The following PUM1 variants were observed in gnomAD, a reference collection of about 807,000 sequenced individuals.
PUM1 encodes the protein pumilio RNA binding family member 1.
Under a neutral mutation model 131.8 loss-of-function variants are expected in PUM1, and 13 were observed. That is an observed-to-expected ratio of 0.10 (90% confidence interval 0.06 to 0.16). The LOEUF (loss-of-function observed/expected upper bound fraction) is 0.16. PUM1 is among the 10% of genes least tolerant of loss of function. The probability of loss-of-function intolerance (pLI) is 1.00; values close to 1 mark genes in which losing one functional copy is unlikely to be tolerated. For missense variants in PUM1, 961 were observed against 1,512.4 expected (o/e 0.64, Z 6.05); for synonymous variants, 509 against 556.5 (o/e 0.91, Z 1.20).
At chr1:30,965,514 G>C (rs1557558287) in intron 13 of PUM1, among the ~76,000 whole-genome samples, 1 of 151,884 alleles carries the variant, frequency 6.6e-6, no homozygotes. Flanking sequence ...AAAATATCTT[G>C]GTCTAATATC....
At chr1:31,028,421 G>A (rs1017051318) in intron 3 of PUM1, among the ~76,000 whole-genome samples, 1 of 19,594 alleles carries the variant, frequency 5.1e-5, no homozygotes, top group African/African-American at 4.6e-4. Flanking sequence ...GCCATTGGCG[G>A]GGGGGGTGGG....
At chr1:30,967,828 T>C (rs1440085522) in intron 11 of PUM1, among the ~76,000 whole-genome samples, 1 of 152,176 alleles carries the variant, frequency 6.6e-6, no homozygotes, top group Non-Finnish European at 1.5e-5. Context: ...TCTAATCCCA[T>C]GCAAAGCACC....
intron 3 of PUM1, among the ~76,000 whole-genome samples, chr1:31,018,204 C>T (rs943280751): frequency 6.6e-6 from 1 of 151,778 alleles, no homozygotes; most frequent in African/African-American, 2.4e-5. Context: ...CAAAAATTAG[C>T]TGGGTGTAGT....
Position 30,945,358 on chromosome 1 carries a change from C to A in PUM1, c.2982G>T (p.Ala994=). The A allele has an allele frequency of 6.2e-7, 1 of 1,614,146 alleles. No individual in the cohort carries two copies. Among genetic ancestry groups the A allele is most frequent in the Non-Finnish European group, 8.5e-7 (1 of 1,180,008 alleles). The change falls in exon 18 of 22, where the codon GCG becomes GCT. Residue 994 remains alanine (A), a synonymous_variant. Coordinates refer to ENST00000426105, the MANE Select transcript of PUM1 (RefSeq NM_001020658.2). ...CTGGGTCACTTACCTGTCCCTTAAA[C>A]GCATCGATGATAAATTGCAAAGACT... ...QPQSLQFIID[A]FKGQVFALST... is the part of the protein sequence containing the mutation.
intron 10 of PUM1, among the ~76,000 whole-genome samples, chr1:30,970,552 C>G (rs943545308): frequency 1.3e-5 from 2 of 152,146 alleles, no homozygotes; most frequent in South Asian, 4.1e-4. Flanking sequence ...AGAACCTAAC[C>G]AACTTTGTAA....
intron 7 of PUM1, among the ~76,000 whole-genome samples, chr1:30,991,544 G>C (rs911181683): frequency 6.6e-6 from 1 of 152,124 alleles, no homozygotes; most frequent in African/African-American, 2.4e-5. Flanking sequence ...ACTTCAAAAT[G>C]AGATGCTAAC....
At chr1:30,940,094 C>T (rs1356211681) in intron 20 of PUM1, among the ~76,000 whole-genome samples, 2 of 152,170 alleles carry the variant, frequency 1.3e-5, no homozygotes, top group Non-Finnish European at 2.9e-5. Context: ...CCTGATAGGG[C>T]TAGGCTATGG....
intron 16 of PUM1, among the ~76,000 whole-genome samples, chr1:30,951,496 T>A (rs908302549): frequency 1.3e-5 from 2 of 152,204 alleles, no homozygotes; most frequent in Non-Finnish European, 2.9e-5. Flanking sequence ...TGGTAGGTAA[T>A]GTGCAGAATT....
chr1:31,025,071 A>C (rs1376207209), intron 3 of PUM1, among the ~76,000 whole-genome samples: 1 of 152,228 alleles, frequency 6.6e-6, no homozygotes. Context: ...TGTGGCCTTG[A>C]TCCTAAGATC....
chr1:31,058,788 T>C (rs1216334003), intron 2 of PUM1, among the ~76,000 whole-genome samples: 1 of 151,252 alleles, frequency 6.6e-6, no homozygotes, highest in South Asian at 2.1e-4. Context: ...CTGGACAACA[T>C]GGTGAAACCC....
intron 3 of PUM1, among the ~76,000 whole-genome samples, chr1:31,022,484 AAGAC>A (rs1432038052): frequency 1.3e-5 from 2 of 152,244 alleles, no homozygotes; most frequent in East Asian, 1.9e-4. Context: ...TGCAGGTTAG[AAGAC>A]AGACAGAAGA....
intron 3 of PUM1, among the ~76,000 whole-genome samples, chr1:31,010,738 T>C (rs1642582143): frequency 6.6e-6 from 1 of 152,192 alleles, no homozygotes; most frequent in Non-Finnish European, 1.5e-5. Flanking sequence ...GAGACAGACC[T>C]TTCTCCAAGC....
intron 10 of PUM1, among the ~76,000 whole-genome samples, chr1:30,972,878 G>A (rs1640978683): frequency 6.6e-6 from 1 of 151,998 alleles, no homozygotes; most frequent in Admixed American, 6.6e-5. Flanking sequence ...TCAGGAGTTC[G>A]AGACCAGCCT....
intron 3 of PUM1, among the ~76,000 whole-genome samples, chr1:31,016,142 T>C (rs1642810337): frequency 6.6e-6 from 1 of 152,244 alleles, no homozygotes; most frequent in South Asian, 2.1e-4. Flanking sequence ...ATTGCCAATG[T>C]GACAGTCAAA....
rs56936440 is a variant in PUM1, at chr1:30,999,606, CAAAAAAAAAAAAAAAAAAAA to C, written c.721-4406_721-4387del. On this transcript the variant is annotated intron_variant, in intron 5 of 21. Transcript: ENST00000426105. ...TGGGTGACAGAGCAAGACTCTGTCT[CAAAAAAAAAAAAAAAAAAAA>C]AAAAAAAAAAAAAAAAAGGTGCTGA... 2.0e-4 allele frequency among the ~76,000 whole-genome samples: 11 copies of C among 53,982 alleles called. 1 individual carries two copies. Among genetic ancestry groups the C allele is most frequent in the South Asian group, 1.6e-3 (2 of 1,246 alleles). The allele number at this position is 53,982 out of a possible 152,430, so 35.4% of individuals were successfully genotyped here. A position where few individuals can be genotyped will look rare whatever the true frequency, so the allele number is the denominator to read the frequency against.
At chr1:31,042,568 G>T (rs1369159646) in intron 2 of PUM1, among the ~76,000 whole-genome samples, 1 of 152,098 alleles carries the variant, frequency 6.6e-6, no homozygotes, top group Non-Finnish European at 1.5e-5. Context: ...ACTCAAAATG[G>T]CAGACCAAGC....
chr1:30,993,906 C>G (rs1006409081), intron 6 of PUM1, among the ~76,000 whole-genome samples: 1 of 151,920 alleles, frequency 6.6e-6, no homozygotes, highest in Admixed American at 6.6e-5. Context: ...CCCATCTCTA[C>G]AAAAGATATA....
chr1:31,009,767 C>CAAA (rs751375199), intron 3 of PUM1, among the ~76,000 whole-genome samples: 1 of 54,642 alleles, frequency 1.8e-5, no homozygotes, highest in Admixed American at 2.2e-4. Flanking sequence ...GACTCTGTCT[C>CAAA]AAAAAAAAAA....
At chr1:31,054,454 A>G (rs989322087) in intron 2 of PUM1, among the ~76,000 whole-genome samples, 35 of 148,816 alleles carry the variant, frequency 2.4e-4, no homozygotes, top group African/African-American at 7.9e-4. Flanking sequence ...AGCCTGTGAT[A>G]TTCTTTACTT....
Sources: gnomAD v4.1 joint callset for allele counts (sites outside exome capture counted in the v4.1 genomes callset) on GRCh38, gnomAD v4.1.1 for gene constraint, MANE v1.5 for transcripts, NCBI Gene and HGNC (gene_info 2026-07-23, HGNC 2026-07-21) for gene names.